The following DMD variants were observed in gnomAD, a reference collection of about 807,000 sequenced individuals.
DMD encodes the protein mutant dystrophin.
Under a neutral mutation model 330.1 loss-of-function variants are expected in DMD, and 63 were observed. The observed-to-expected ratio is 0.19, with a 90% CI of 0.16 to 0.24. The LOEUF is 0.24. Among genes scored for constraint, DMD ranks in the 10% least tolerant of loss-of-function variants. The pLI, the probability that DMD is intolerant of heterozygous loss-of-function variation, is 1.00. For synonymous variants in DMD, 1,223 were observed against 959.8 expected, an observed-to-expected ratio of 1.27 and a Z score of -5.07; for missense variants, 3,344 against 2,684.1, an observed-to-expected ratio of 1.25 and a Z score of -5.43.
intron 54 of DMD, among the ~76,000 whole-genome samples, chrX:31,630,895 T>A (rs973811003): frequency 2.7e-5 from 3 of 112,110 alleles, no homozygotes; most frequent in Admixed American, 9.5e-5. Flanking sequence ...CAAAGTTTTA[T>A]AATCAGCTAT....
intron 41 of DMD, among the ~76,000 whole-genome samples, chrX:32,341,862 T>C (rs2097744802): frequency 1.8e-5 from 2 of 111,334 alleles, no homozygotes; most frequent in African/African-American, 6.5e-5. Context: ...TAAGATGTAT[T>C]TTCATTTTTG....
chrX:33,079,385 C>A (rs1423029001), intron 1 of DMD, among the ~76,000 whole-genome samples: 2 of 111,426 alleles, frequency 1.8e-5, no homozygotes, highest in Non-Finnish European at 3.8e-5. Flanking sequence ...TGTAGAGTAG[C>A]CAGAGTTAAA....
At chrX:32,666,722 G>A (rs1422110046) in intron 9 of DMD, among the ~76,000 whole-genome samples, 6 of 108,978 alleles carry the variant, frequency 5.5e-5, no homozygotes, top group African/African-American at 2.0e-4. Context: ...CCATCTACTT[G>A]GGAGGCTGAG....
chrX:33,139,915 A>T (rs2047715384), intron 1 of DMD, among the ~76,000 whole-genome samples: 1 of 109,639 alleles, frequency 9.1e-6, no homozygotes, highest in Admixed American at 9.8e-5. Flanking sequence ...CAAAGTTGGA[A>T]AGTGAACATT....
At chrX:33,074,416 T>TA (rs372138449) in intron 1 of DMD, among the ~76,000 whole-genome samples, 723 of 53,097 alleles carry the variant, frequency 0.014, 6 homozygotes, top group African/African-American at 0.077. Context: ...TAACACTATA[T>TA]TTTTTTTTTT....
rs2092849338 is a variant in DMD at position 32,986,526 on chromosome X, C to T, written c.93+33613G>A. ...TGTGTGCACACACAACACATTACGGCCAATTCAAATTTTAAAACAATGCCA... is the reference window on the plus strand; with the variant it reads ...TGTGTGCACACACAACACATTACGGTCAATTCAAATTTTAAAACAATGCCA... On this transcript the variant is annotated intron_variant, in intron 2 of 78. Transcript: ENST00000357033. Among the ~76,000 whole-genome samples, 7 of 111,987 alleles carry T rather than the reference C, an allele frequency of 6.3e-5. No individual in the cohort carries two copies. The Admixed American group carries it at 6.6e-4, about 11-fold the overall frequency.
At chrX:32,760,070 A>G (rs1388259250) in intron 7 of DMD, among the ~76,000 whole-genome samples, 3 of 103,709 alleles carry the variant, frequency 2.9e-5, no homozygotes, top group Admixed American at 1.1e-4. Context: ...TTGTGTTTAT[A>G]TTATACTTTT....
chrX:33,040,110 C>T (rs752665186), intron 1 of DMD, among the ~76,000 whole-genome samples: 4 of 111,097 alleles, frequency 3.6e-5, no homozygotes, highest in African/African-American at 6.6e-5. Context: ...AAATGCAGAC[C>T]GAAGGAGTCT....
chrX:31,697,960 T>C (rs1452305041), intron 52 of DMD, among the ~76,000 whole-genome samples: 1 of 111,968 alleles, frequency 8.9e-6, no homozygotes, highest in Non-Finnish European at 1.9e-5. Flanking sequence ...TAATGACAAC[T>C]GCAGAACCAC....
intron 1 of DMD, among the ~76,000 whole-genome samples, chrX:33,337,481 G>A (rs1384392246): frequency 9.0e-6 from 1 of 111,257 alleles, no homozygotes; most frequent in Non-Finnish European, 1.9e-5. Flanking sequence ...AGCATCTACA[G>A]TACTTAAAAG....
rs1359141446 is a variant in DMD at position 31,864,499 on chromosome X, T to C, written c.7098+10689A>G. ...ATTTTGAAGGCCTTTTTTTTTTTTT[T>C]TTTTTTTTTTAAAGAAGTCTTGCTC... On this transcript the variant is annotated intron_variant, in intron 48 of 78. Transcript: ENST00000357033. Among the ~76,000 whole-genome samples, 4 of 99,278 alleles carry C rather than the reference T, an allele frequency of 4.0e-5. No individual in the cohort carries two copies. In the Admixed American group the frequency reaches 4.3e-4, roughly 11 times the overall value. The allele number at this position is 99,278 out of a possible 115,157, so 86.2% of individuals were successfully genotyped here.
chrX:33,332,398 G>C (rs998048981), intron 1 of DMD, among the ~76,000 whole-genome samples: 1 of 110,831 alleles, frequency 9.0e-6, no homozygotes, highest in African/African-American at 3.3e-5. Context: ...TATTTTTTCT[G>C]TTGACCCTAA....
chrX:33,020,777 C>A (rs73621864), intron 1 of DMD, among the ~76,000 whole-genome samples: 1 of 111,572 alleles, frequency 9.0e-6, no homozygotes, highest in African/African-American at 3.3e-5. Flanking sequence ...AGTATTTATT[C>A]GCCAGTTATG....
intron 63 of DMD, among the ~76,000 whole-genome samples, chrX:31,233,354 A>T (rs1019377423): frequency 8.9e-6 from 1 of 112,088 alleles, no homozygotes; most frequent in Admixed American, 9.5e-5. Flanking sequence ...TCTCTTCATA[A>T]GTGAACACAC....
intron 2 of DMD, among the ~76,000 whole-genome samples, chrX:32,887,379 C>A (rs1296475604): frequency 9.1e-6 from 1 of 109,653 alleles, no homozygotes; most frequent in African/African-American, 3.3e-5. Context: ...GAAAATTGGA[C>A]CCTTATCTGT....
chrX:32,152,272 G>A (rs1428173951), intron 44 of DMD, among the ~76,000 whole-genome samples: 1 of 111,320 alleles, frequency 9.0e-6, no homozygotes, highest in Non-Finnish European at 1.9e-5. Context: ...TAAAGATGGG[G>A]GGTGGGCGTT....
At chrX:31,398,206 G>T (rs971175133) in intron 60 of DMD, among the ~76,000 whole-genome samples, 1 of 112,077 alleles carries the variant, frequency 8.9e-6, no homozygotes, top group Admixed American at 9.5e-5. Context: ...CTTGATTGAG[G>T]TTGGCAAAGC....
chrX:31,931,974 A>ACCTG, intron 46 of DMD, 106 bp downstream of exon 46: 3 of 943,867 alleles, frequency 3.2e-6, no homozygotes, highest in Non-Finnish European at 4.5e-6. Context: ...TTAGCAAGGA[A>ACCTG]CTATGAATAA....
chrX:31,371,467 T>C (rs1372043844), intron 60 of DMD, among the ~76,000 whole-genome samples: 1 of 111,747 alleles, frequency 8.9e-6, no homozygotes, highest in Non-Finnish European at 1.9e-5. Flanking sequence ...TTATTTTTTA[T>C]TAAAAAACAA....
Sources: gnomAD v4.1 joint callset for allele counts (sites outside exome capture counted in the v4.1 genomes callset) on GRCh38, gnomAD v4.1.1 for gene constraint, MANE v1.5 for transcripts, NCBI Gene and HGNC (gene_info 2026-07-23, HGNC 2026-07-21) for gene names.